SLC4A4: variants seen among roughly 807,000 people sequenced by gnomAD.
SLC4A4 encodes solute carrier family 4 member 4.
In SLC4A4, 27 loss-of-function variants were observed where a neutral mutation model predicts 111.5. The observed-to-expected ratio is 0.24, with a 90% CI of 0.18 to 0.33. The LOEUF is 0.33. Among genes scored for constraint, SLC4A4 ranks in the 10% least tolerant of loss-of-function variants. SLC4A4 has a pLI of 1.00. For synonymous variants in SLC4A4, 443 were observed against 463.4 expected (o/e 0.96, Z 0.57); for missense variants, 909 against 1,315.5 (o/e 0.69, Z 4.78).
intron 7 of SLC4A4, among the ~76,000 whole-genome samples, 173 bp downstream of exon 7, chr4:71,397,826 G>A (rs548898911): frequency 2.3e-4 from 35 of 152,308 alleles, no homozygotes; most frequent in Non-Finnish European, 4.1e-4. Flanking sequence ...GCTGGAATCA[G>A]AAGGGAAAAA....
At chr4:71,114,252 C>A (rs1307052556) in intron 2 of SLC4A4, among the ~76,000 whole-genome samples, 2 of 152,084 alleles carry the variant, frequency 1.3e-5, no homozygotes, top group Non-Finnish European at 2.9e-5. Context: ...TCTCAAAAAA[C>A]AAACAAACAA....
At chr4:71,127,703 A>G (rs936287000) in intron 2 of SLC4A4, among the ~76,000 whole-genome samples, 4 of 152,242 alleles carry the variant, frequency 2.6e-5, no homozygotes, top group Non-Finnish European at 5.9e-5. Flanking sequence ...AGTATATAGT[A>G]TATCAGTTTG....
chr4:71,473,585 A>G (rs1030028036), intron 14 of SLC4A4, among the ~76,000 whole-genome samples: 1 of 151,898 alleles, frequency 6.6e-6, no homozygotes, highest in African/African-American at 2.4e-5. Flanking sequence ...TTTATATTGT[A>G]GAATCCAGAA....
intron 7 of SLC4A4, among the ~76,000 whole-genome samples, chr4:71,419,963 C>A (rs1439015450): frequency 6.6e-6 from 1 of 152,222 alleles, no homozygotes; most frequent in Non-Finnish European, 1.5e-5. Context: ...CAGTTCCTCA[C>A]CAGCAGTGGA....
At chr4:71,461,625 G>A (rs865990224) in intron 12 of SLC4A4, among the ~76,000 whole-genome samples, 1 of 152,246 alleles carries the variant, frequency 6.6e-6, no homozygotes, top group Middle Eastern at 3.4e-3. Flanking sequence ...ATAAAATGCT[G>A]ATATTACAAA....
Position 71,180,377 on chromosome 4 carries a change from C to T in SLC4A4, c.-1-56199C>T, listed in dbSNP as rs1235931679. Among the ~76,000 whole-genome samples, 11 of 152,122 alleles carry T rather than the reference C, an allele frequency of 7.2e-5. No homozygotes were observed. In the East Asian group the frequency reaches 1.4e-3, roughly 19 times the overall value. On this transcript the variant is annotated intron_variant, in intron 2 of 26. Coordinates refer to the SLC4A4 transcript ENST00000649996. ...GGATCTAATTAAACTAAAGAGCTTC[C>T]ACACAGCAAAAGAAACTACCATCAG...
chr4:71,465,807 A>G (rs1727257347), intron 12 of SLC4A4, among the ~76,000 whole-genome samples: 1 of 152,066 alleles, frequency 6.6e-6, no homozygotes, highest in Non-Finnish European at 1.5e-5. Context: ...GTTCCAGCAC[A>G]TATATTTTCT....
chr4:71,451,906 G>T (rs1725795649), intron 11 of SLC4A4, among the ~76,000 whole-genome samples: 1 of 152,144 alleles, frequency 6.6e-6, no homozygotes, highest in South Asian at 2.1e-4. Flanking sequence ...CATGATATAG[G>T]AATGAGTTCT....
intron 18 of SLC4A4, among the ~76,000 whole-genome samples, chr4:71,535,139 T>C (rs928366255): frequency 6.6e-6 from 1 of 152,190 alleles, no homozygotes; most frequent in Non-Finnish European, 1.5e-5. Context: ...CCAGGCCATC[T>C]TCTAAGCACT....
intron 2 of SLC4A4, among the ~76,000 whole-genome samples, chr4:71,103,468 A>AT (rs1337244722): frequency 2.6e-5 from 4 of 152,182 alleles, no homozygotes; most frequent in Admixed American, 6.5e-5. Context: ...CAGAATATAC[A>AT]TTTTTTTCAG....
At chr4:71,243,113 T>C (rs1720379323) in intron 2 of SLC4A4, among the ~76,000 whole-genome samples, 1 of 152,214 alleles carries the variant, frequency 6.6e-6, no homozygotes, top group Non-Finnish European at 1.5e-5. Flanking sequence ...GCAAATCTTG[T>C]CCATTGTATA....
intron 1 of SLC4A4, among the ~76,000 whole-genome samples, chr4:71,191,586 T>G (rs978634234): frequency 6.6e-6 from 1 of 152,240 alleles, no homozygotes; most frequent in African/African-American, 2.4e-5. Flanking sequence ...TTATCCTGTT[T>G]TAAAGTGATG....
At chr4:71,347,099 T>C (rs549858433) in intron 4 of SLC4A4, among the ~76,000 whole-genome samples, 5 of 152,126 alleles carry the variant, frequency 3.3e-5, no homozygotes, top group Non-Finnish European at 5.9e-5. Context: ...GGGTGAGTAA[T>C]ACTATTTCAT....
chr4:71,564,623 T>A (rs1326109286), intron 24 of SLC4A4, among the ~76,000 whole-genome samples: 4 of 151,918 alleles, frequency 2.6e-5, no homozygotes, highest in Non-Finnish European at 5.9e-5. Flanking sequence ...CAAGCTACTT[T>A]CTACTTTGCG....
chr4:71,363,501 C>T (rs1472791624), intron 6 of SLC4A4, among the ~76,000 whole-genome samples: 1 of 152,106 alleles, frequency 6.6e-6, no homozygotes, highest in African/African-American at 2.4e-5. Flanking sequence ...TCCAGGCCAT[C>T]CCCCCAACTG....
At chr4:71,373,712 T>G (rs1017865850) in intron 6 of SLC4A4, among the ~76,000 whole-genome samples, 2 of 152,334 alleles carry the variant, frequency 1.3e-5, no homozygotes, top group African/African-American at 4.8e-5. Flanking sequence ...TCAGTCATTC[T>G]TTGAGTGGGA....
At chr4:71,215,315 C>T (rs1323536285) in intron 1 of SLC4A4, among the ~76,000 whole-genome samples, 1 of 152,170 alleles carries the variant, frequency 6.6e-6, no homozygotes, top group East Asian at 1.9e-4. Flanking sequence ...GTGTTCTGGT[C>T]CTGTCCAAGG....
At chr4:71,553,826 T>C (rs188020344) in intron 20 of SLC4A4, among the ~76,000 whole-genome samples, 1 of 151,986 alleles carries the variant, frequency 6.6e-6, no homozygotes, top group East Asian at 2.0e-4. Flanking sequence ...CTGTTAGGTA[T>C]TACAGCTTCC....
At chr4:71,112,129 C>T (rs1743105837) in intron 2 of SLC4A4, among the ~76,000 whole-genome samples, 2 of 152,178 alleles carry the variant, frequency 1.3e-5, no homozygotes, top group South Asian at 4.1e-4. Flanking sequence ...TGGCTATCTT[C>T]CTTCCACTCT....
Sources: allele counts gnomAD v4.1 joint callset (sites outside exome capture counted in the v4.1 genomes callset), GRCh38; gene constraint gnomAD v4.1.1; transcripts MANE v1.5; gene names NCBI Gene and HGNC (gene_info 2026-07-23, HGNC 2026-07-21).